The following MYLK variants were observed in gnomAD, a reference collection of about 807,000 sequenced individuals.
MYLK encodes myosin light chain kinase, smooth muscle.
Under a neutral mutation model 203.4 loss-of-function variants are expected in MYLK, and 106 were observed. That is an observed-to-expected ratio of 0.52 (90% confidence interval 0.45 to 0.61). The LOEUF (loss-of-function observed/expected upper bound fraction) is 0.61. Among genes scored for constraint, MYLK ranks in the 20% least tolerant of loss-of-function variants. The pLI is 0.00. For synonymous variants in MYLK, 867 were observed against 959.5 expected (o/e 0.90, Z 1.78); for missense variants, 2,072 against 2,442.3 (o/e 0.85, Z 3.20).
At chr3:123,719,433 C>T (rs2108724951) in intron 13 of MYLK, among the ~76,000 whole-genome samples, 1 of 152,322 alleles carries the variant, frequency 6.6e-6, no homozygotes, top group Admixed American at 6.5e-5. Context: ...TGGGAAAACC[C>T]CTCCTCAGTC....
chr3:123,634,369 G>A (rs1257932188), intron 29 of MYLK, among the ~76,000 whole-genome samples: 1 of 152,204 alleles, frequency 6.6e-6, no homozygotes. Context: ...GAGGAGCCCT[G>A]CAGTCAGACC....
In MYLK at chr3:123,708,783, C is replaced by G. The variant is rs759678564; in HGVS notation, c.2055G>C (p.Val685=). Residue 685 remains valine, a synonymous_variant, in exon 15 of 34, where the codon GTG becomes GTC. Transcript: ENST00000360304. The part of the protein sequence containing the change: ...GTQHSLCIQE[V]FPEDTGTYTC... The stretch of plus-strand genomic sequence containing the variant: ...TGTACGTGCCCGTGTCCTCCGGGAA[C>G]ACTTCCTGGATACAAAGGCTGTGCT... The G allele has an allele frequency of 1.2e-5, 20 of 1,614,198 alleles. No homozygotes were observed. The highest frequency in any genetic ancestry group is 1.6e-5 in the Non-Finnish European group (19 of 1,180,036).
intron 4 of MYLK, among the ~76,000 whole-genome samples, chr3:123,757,430 CCACACAGCTGCAG>C (rs2063391938): frequency 6.6e-6 from 1 of 152,112 alleles, no homozygotes; most frequent in South Asian, 2.1e-4. Context: ...CACTACAAAC[CCACACAGCTGCAG>C]GGCACAGCTG....
intron 22 of MYLK, among the ~76,000 whole-genome samples, chr3:123,664,784 T>C (rs2059682486): frequency 1.3e-5 from 2 of 152,164 alleles, no homozygotes; most frequent in Admixed American, 6.5e-5. Flanking sequence ...ATTAATTCAT[T>C]GAAAGGAATG....
chr3:123,732,281 C>T (rs954797012), intron 11 of MYLK, among the ~76,000 whole-genome samples: 1 of 152,182 alleles, frequency 6.6e-6, no homozygotes, highest in Non-Finnish European at 1.5e-5. Context: ...AAATTAGATA[C>T]AGCCATTTCA....
intron 2 of MYLK, among the ~76,000 whole-genome samples, chr3:123,865,774 C>T (rs2032287919): frequency 6.6e-6 from 1 of 152,160 alleles, no homozygotes; most frequent in Admixed American, 6.5e-5. Context: ...TGACACTCCT[C>T]CTACCAAGGT....
chr3:123,792,597 G>A (rs915779750), intron 4 of MYLK, among the ~76,000 whole-genome samples: 2 of 152,104 alleles, frequency 1.3e-5, no homozygotes, highest in Non-Finnish European at 2.9e-5. Context: ...AGGTTCATCC[G>A]TGTTATAGCA....
chr3:123,728,661 C>T (rs2062377831), intron 11 of MYLK, among the ~76,000 whole-genome samples: 1 of 152,170 alleles, frequency 6.6e-6, no homozygotes, highest in South Asian at 2.1e-4. Context: ...TGCTTTTTCA[C>T]TCTTGTGCCC....
chr3:123,732,976 G>T lies in MYLK; in HGVS notation c.1436C>A (p.Thr479Asn). The change falls in exon 11 of 34, where the codon ACC (threonine) becomes AAC (asparagine). Residue 479 changes from threonine to asparagine, a missense_variant. Thr to Asn is a moderately conservative substitution (Grantham distance 65). Transcript: ENST00000360304. ...GCAGCTGTATGTCCCACTGTCCCTG[G>T]TCCGGGCTTTCAGCAGGCAGAGGTA... ...SHYLCLLKAR[T>N]RDSGTYSCTA... 4 of 1,614,180 alleles carry T rather than the reference G, an allele frequency of 2.5e-6. No homozygotes were observed. The highest frequency in any genetic ancestry group is 3.4e-6 in the Non-Finnish European group (4 of 1,180,034).
At chr3:123,754,097 A>G (rs2063290663) in intron 4 of MYLK, among the ~76,000 whole-genome samples, 1 of 152,202 alleles carries the variant, frequency 6.6e-6, no homozygotes, top group South Asian at 2.1e-4. Context: ...GCTATGCTAA[A>G]AAGCGCCGGT....
Position 123,775,029 on chromosome 3 carries a change from AT to A in MYLK, c.165+18647del, listed in dbSNP as rs869245535. ...GGAAAAGACAGATTCAACATGGTAA[AT>A]TTTTTTTTTTTTAATTTTAGAGATG... On this transcript the variant is annotated intron_variant, in intron 4 of 33. Coordinates refer to ENST00000360304, the MANE Select transcript of MYLK (RefSeq NM_053025.4). 8.4e-3 allele frequency among the ~76,000 whole-genome samples: 1,225 copies of A among 146,268 alleles called. 7 individuals are homozygous for A. Among genetic ancestry groups the A allele is most frequent in the Non-Finnish European group, 0.013 (873 of 65,932 alleles).
chr3:123,688,636 T>A (rs1421976769), intron 19 of MYLK, among the ~76,000 whole-genome samples: 1 of 152,082 alleles, frequency 6.6e-6, no homozygotes, highest in Non-Finnish European at 1.5e-5. Flanking sequence ...ACTGCCTGGA[T>A]CTGGTCCACG....
At chr3:123,712,301 C>A (rs1360122149) in intron 13 of MYLK, among the ~76,000 whole-genome samples, 1 of 152,212 alleles carries the variant, frequency 6.6e-6, no homozygotes, top group Non-Finnish European at 1.5e-5. Flanking sequence ...TGAGGAATTT[C>A]CTGTCTTGCA....
In MYLK at chr3:123,700,926, A is replaced by G. The variant is rs1238379638; in HGVS notation, c.2542T>C (p.Ser848Pro). ...ADGGGSDRYG[S>P]LRPGWPARGQ... Reference sequence around the variant, plus strand: ...CTTGCTGGCCAGCCAGGCCTCAGGGACCCATAGCGGTCACTACCACCACCA... The same window carrying G: ...CTTGCTGGCCAGCCAGGCCTCAGGGGCCCATAGCGGTCACTACCACCACCA... The change falls in exon 18 of 34, where the codon TCC (serine) becomes CCC (proline). Residue 848 changes from serine (S) to proline (P), a missense_variant. Coordinates refer to ENST00000360304, the MANE Select transcript of MYLK (RefSeq NM_053025.4). The G allele has an allele frequency of 6.2e-7, 1 of 1,611,516 alleles. No homozygotes were observed. The highest frequency in any genetic ancestry group is 1.3e-5 in the African/African-American group (1 of 74,952).
intron 2 of MYLK, chr3:123,835,732 C>G (rs1488812460): frequency 6.6e-6 from 1 of 152,162 alleles, no homozygotes; most frequent in Non-Finnish European, 1.5e-5. Context: ...ACCAGAATCC[C>G]TCTTCCCCAA....
intron 3 of MYLK, among the ~76,000 whole-genome samples, chr3:123,822,216 T>C (rs1310726415): frequency 2.0e-5 from 3 of 152,182 alleles, no homozygotes; most frequent in Non-Finnish European, 4.4e-5. Flanking sequence ...TGATATTCTT[T>C]TACAGCAGCA....
Position 123,802,818 on chromosome 3 carries a change from C to T in MYLK, c.-3-8974G>A, listed in dbSNP as rs575214255. 1.6e-4 allele frequency among the ~76,000 whole-genome samples: 25 copies of T among 152,230 alleles called. 1 individual carries two copies. Among genetic ancestry groups the T allele is most frequent in the African/African-American group, 5.3e-4 (22 of 41,532 alleles). On this transcript the variant is annotated intron_variant, in intron 3 of 33. Transcript: ENST00000360304. ...AGAGCCCTGCTTATAACTAAATTAG[C>T]GGAATGCACACTCCAGCTATAATCC...
chr3:123,793,310 A>G (rs2064855447), intron 4 of MYLK, among the ~76,000 whole-genome samples: 1 of 152,212 alleles, frequency 6.6e-6, no homozygotes, highest in African/African-American at 2.4e-5. Flanking sequence ...GAAAAATTAC[A>G]GTCAATTCTC....
intron 4 of MYLK, among the ~76,000 whole-genome samples, chr3:123,791,310 C>T (rs937867630): frequency 3.3e-5 from 5 of 152,218 alleles, no homozygotes; most frequent in African/African-American, 1.2e-4. Flanking sequence ...GCTAACACCA[C>T]CTAACTTTTC....
Sources: gnomAD v4.1 joint callset for allele counts (sites outside exome capture counted in the v4.1 genomes callset) on GRCh38, gnomAD v4.1.1 for gene constraint, MANE v1.5 for transcripts, NCBI Gene and HGNC (gene_info 2026-07-23, HGNC 2026-07-21) for gene names.